Variants in PLCG2 observed in about 807,000 individuals in gnomAD.
The protein encoded by PLCG2 is 1-phosphatidylinositol 4,5-bisphosphate phosphodiesterase gamma-2.
PLCG2 carries 69 observed loss-of-function variants against 175.6 expected under a neutral mutation model. The observed-to-expected ratio is 0.39, with a 90% CI of 0.32 to 0.48. PLCG2 has a LOEUF of 0.48. Ranked by LOEUF, PLCG2 falls within the 20% of genes least tolerant of loss-of-function variation. The probability of loss-of-function intolerance (pLI) is 0.91; values close to 1 mark genes in which losing one functional copy is unlikely to be tolerated. For synonymous variants in PLCG2, 827 were observed against 624.0 expected, an observed-to-expected ratio of 1.33 and a Z score of -4.85; for missense variants, 1,798 against 1,650.9, an observed-to-expected ratio of 1.09 and a Z score of -1.54.
chr16:81,952,892 AAGAC>A (rs1161581594), intron 31 of PLCG2, among the ~76,000 whole-genome samples: 1 of 152,234 alleles, frequency 6.6e-6, no homozygotes, highest in Non-Finnish European at 1.5e-5. Context: ...ATCAATTAGA[AAGAC>A]AAAAATAGCA....
intron 2 of PLCG2, among the ~76,000 whole-genome samples, chr16:81,847,314 C>T (rs1191884027): frequency 1.3e-5 from 2 of 152,222 alleles, no homozygotes; most frequent in Non-Finnish European, 2.9e-5. Context: ...CCAAGAAGCT[C>T]TCTAAGCCCT....
intron 19 of PLCG2, among the ~76,000 whole-genome samples, chr16:81,913,045 C>T (rs1013255486): frequency 3.3e-5 from 5 of 152,198 alleles, no homozygotes; most frequent in African/African-American, 1.2e-4. Context: ...AAGCATGCAG[C>T]CACTAAGTGG....
chr16:81,766,860 C>G (rs11645500), intron 2 of PLCG2: 2 of 152,216 alleles, frequency 1.3e-5, no homozygotes, highest in Non-Finnish European at 2.9e-5. Context: ...CAGCCTGGTT[C>G]CCTTCTCCCA....
intron 2 of PLCG2, among the ~76,000 whole-genome samples, chr16:81,807,104 G>A (rs34603417): frequency 0.3 from 45,501 of 152,054 alleles, 7,736 homozygotes; most frequent in South Asian, 0.41. Context: ...TCTGTTCAAT[G>A]CATTTCCTTC....
chr16:81,797,338 G>A (rs904843500), intron 2 of PLCG2, among the ~76,000 whole-genome samples: 2 of 152,142 alleles, frequency 1.3e-5, no homozygotes, highest in African/African-American at 2.4e-5. Context: ...ATATAAATGC[G>A]GGTTTTTGTA....
intron 30 of PLCG2, among the ~76,000 whole-genome samples, chr16:81,944,765 C>A (rs367943688): frequency 8.5e-5 from 13 of 152,148 alleles, no homozygotes; most frequent in Admixed American, 8.5e-4. Flanking sequence ...CATGAGCCAC[C>A]GTACTTGGCC....
chr16:81,951,561 C>T (rs1309474518), intron 31 of PLCG2, among the ~76,000 whole-genome samples: 1 of 152,222 alleles, frequency 6.6e-6, no homozygotes, highest in African/African-American at 2.4e-5. Flanking sequence ...GGAAATCCTT[C>T]TTCTGTCTTG....
At chr16:81,828,210 C>A (rs548453764) in intron 2 of PLCG2, among the ~76,000 whole-genome samples, 1 of 145,516 alleles carries the variant, frequency 6.9e-6, no homozygotes, top group African/African-American at 2.5e-5. Flanking sequence ...CTTGTGAAGT[C>A]TGTTCCAGAC....
intron 1 of PLCG2, among the ~76,000 whole-genome samples, chr16:81,744,844 A>G (rs4888172): frequency 0.54 from 82,010 of 151,958 alleles, 23,275 homozygotes; most frequent in Non-Finnish European, 0.63. Flanking sequence ...GGGATTACAG[A>G]CATGAGCTAC....
rs74398663 is a variant in PLCG2, at chr16:81,909,920, G to A, written c.1734-600G>A. 7.2e-3 allele frequency among the ~76,000 whole-genome samples: 1,057 copies of A among 147,110 alleles called. 12 individuals carry two copies. Among genetic ancestry groups the A allele is most frequent in the African/African-American group, 0.025 (1,018 of 39,954 alleles). ...AGACAGCACGGGTGACCTGCTCCAG[G>A]ACACTTGGTTCATATGTGGCAGAGC... is the stretch of plus-strand genomic sequence containing the variant. On this transcript the variant is annotated intron_variant, in intron 17 of 32. Coordinates refer to ENST00000564138, the MANE Select transcript of PLCG2 (RefSeq NM_002661.5).
intron 2 of PLCG2, among the ~76,000 whole-genome samples, chr16:81,841,718 C>G (rs1024501467): frequency 1.1e-4 from 16 of 152,220 alleles, no homozygotes; most frequent in Admixed American, 2.0e-4. Context: ...GAGCTGGGCT[C>G]TTTCTGCTCT....
At chr16:81,823,021 A>G (rs966465055) in intron 2 of PLCG2, among the ~76,000 whole-genome samples, 1 of 152,244 alleles carries the variant, frequency 6.6e-6, no homozygotes, top group Non-Finnish European at 1.5e-5. Context: ...CTGAAAGCTG[A>G]TAAATGTGTG....
chr16:81,893,242 G>A (rs1908722454), intron 11 of PLCG2, among the ~76,000 whole-genome samples: 1 of 152,172 alleles, frequency 6.6e-6, no homozygotes, highest in Admixed American at 6.5e-5. Flanking sequence ...GGCAGTTTTG[G>A]TGGATATGGC....
At chr16:81,751,634 A>G (rs1909814144) in intron 1 of PLCG2, among the ~76,000 whole-genome samples, 1 of 152,228 alleles carries the variant, frequency 6.6e-6, no homozygotes, top group Non-Finnish European at 1.5e-5. Context: ...TCTCATCACA[A>G]AAAAGTTAAG....
At chr16:81,841,757 T>C (rs1187026068) in intron 2 of PLCG2, among the ~76,000 whole-genome samples, 1 of 152,188 alleles carries the variant, frequency 6.6e-6, no homozygotes, top group African/African-American at 2.4e-5. Context: ...GCCCCTTTTG[T>C]CATTACATGT....
At chr16:81,860,173 T>TTATTATTATTATTATTATTA (rs56260145) in intron 5 of PLCG2, among the ~76,000 whole-genome samples, 6 of 81,516 alleles carry the variant, frequency 7.4e-5, no homozygotes, top group African/African-American at 1.4e-4. Flanking sequence ...ATTATTATTA[T>TTATTATTATTATTATTATTA]TTTTTTTTTT....
chr16:81,758,271 C>G (rs764378359), intron 2 of PLCG2, among the ~76,000 whole-genome samples: 1 of 152,206 alleles, frequency 6.6e-6, no homozygotes, highest in African/African-American at 2.4e-5. Flanking sequence ...AACCCTCGTG[C>G]CCAGGCTCAC....
intron 2 of PLCG2, among the ~76,000 whole-genome samples, chr16:81,820,884 TA>T (rs1904768210): frequency 6.6e-6 from 1 of 150,406 alleles, no homozygotes; most frequent in African/African-American, 2.5e-5. Context: ...GCCTCCTGAG[TA>T]GGTGGGATTA....
At chr16:81,802,277 T>C (rs868529127) in intron 2 of PLCG2, among the ~76,000 whole-genome samples, 3 of 150,758 alleles carry the variant, frequency 2.0e-5, no homozygotes, top group African/African-American at 7.3e-5. Flanking sequence ...CGCGCCCAGC[T>C]AATTTTTTGT....
Sources: gnomAD v4.1 joint callset for allele counts (sites outside exome capture counted in the v4.1 genomes callset) on GRCh38, gnomAD v4.1.1 for gene constraint, MANE v1.5 for transcripts, NCBI Gene and HGNC (gene_info 2026-07-23, HGNC 2026-07-21) for gene names.